The following STX10 variants were observed in gnomAD, a reference collection of about 807,000 sequenced individuals.
The protein encoded by STX10 is syntaxin-10.
In STX10, 35 loss-of-function variants were observed where a neutral mutation model predicts 34.1. That is an observed-to-expected ratio of 1.03 (90% CI 0.78 to 1.36). The LOEUF is 1.36. STX10 is among the 40% of genes most tolerant of loss of function. The pLI is 0.00. For synonymous variants in STX10, 155 were observed against 132.9 expected (o/e 1.17, Z -1.15); for missense variants, 361 against 335.5 (o/e 1.08, Z -0.59).
chr19:13,150,235 T>C lies in STX10; in HGVS notation c.-62A>G, dbSNP rs1600028184. 8 of 685,058 alleles carry C rather than the reference T, an allele frequency of 1.2e-5. No individual in the cohort carries two copies. In the East Asian group the frequency reaches 2.4e-4, roughly 20 times the overall value. 42.4% of individuals were successfully genotyped at this position (685,058 alleles called of 1,614,324 possible). On this transcript the variant is annotated 5_prime_UTR_variant, in exon 1 of 8. Transcript: ENST00000587230. This position sits in a 1 kb window ranked among gnomAD's most constrained non-coding sequence, Gnocchi z 4.0. ...GGCCTGGGTTCGCGGGCTGGTTCCC[T>C]CCCAACCGAGGAGAACGCGCCGCCA...
intron 5 of STX10, 48 bp from the exon 6 acceptor site, chr19:13,144,918 G>A: frequency 6.5e-7 from 1 of 1,537,040 alleles, no homozygotes; most frequent in Non-Finnish European, 8.8e-7. Flanking sequence ...ACCCCAGAAG[G>A]CCAGGCGCTA....
Position 13,144,408 on chromosome 19 carries a change from G to A in STX10, c.*2C>T. 1 of 1,608,232 alleles carries A rather than the reference G, an allele frequency of 6.2e-7. No individual in the cohort carries two copies. The highest frequency in any genetic ancestry group is 8.5e-7 in the Non-Finnish European group (1 of 1,178,048). ...GGACCAGCCTGCCAGGGAGGGCTGG[G>A]GTCAGAGAGAGAATAGTAAGATGAG... is the stretch of plus-strand genomic sequence containing the variant. On this transcript the variant is annotated 3_prime_UTR_variant, in exon 8 of 8. Coordinates refer to ENST00000587230, the MANE Select transcript of STX10 (RefSeq NM_003765.3).
At position 13,150,265 on chromosome 19, in the gene STX10, C is replaced by G. The variant is rs762280014; in HGVS notation, c.-92G>C. 16 of 664,590 alleles carry G rather than the reference C, an allele frequency of 2.4e-5. No individual in the cohort carries two copies. The highest frequency in any genetic ancestry group is 3.0e-4 in the Middle Eastern group (1 of 3,352). 41.2% of individuals were successfully genotyped at this position (664,590 alleles called of 1,614,324 possible). A position where few individuals can be genotyped will look rare whatever the true frequency, so the allele number is the denominator to read the frequency against. ...ACCGAGGAGAACGCGCCGCCACCCC[C>G]GCCCCCGTCACGCCACCATCGAGAG... On this transcript the variant is annotated 5_prime_UTR_variant, in exon 1 of 8. Transcript: ENST00000587230. This position sits in a 1 kb window ranked among gnomAD's most constrained non-coding sequence, Gnocchi z 4.0.
In STX10 at chr19:13,149,839, G is replaced by A. The variant is rs2020015010; in HGVS notation, c.94C>T (p.Leu32=). Residue 32 remains leucine (L), a synonymous_variant, in exon 2 of 8, where the codon CTG becomes TTG. Coordinates refer to ENST00000587230, the MANE Select transcript of STX10 (RefSeq NM_003765.3). ...CGTCCGACCGCCGCGCTTTCCTGCA[G>A]GAGCTCGCACCAGCGCTGGTACAGC... is the stretch of plus-strand genomic sequence containing the variant. ...RGLYQRWCEL[L]QESAAVGREE... 6.2e-7 allele frequency: 1 copy of A among 1,613,350 alleles called. No individual in the cohort carries two copies. Among genetic ancestry groups the A allele is most frequent in the Middle Eastern group, 1.7e-4 (1 of 6,058 alleles).
intron 4 of STX10, among the ~76,000 whole-genome samples, 192 bp downstream of exon 4, chr19:13,148,837 C>A (rs2019972772): frequency 6.6e-6 from 1 of 151,998 alleles, no homozygotes; most frequent in East Asian, 1.9e-4. Flanking sequence ...TAGAGAGGAA[C>A]CCACGGACAT....
Position 13,149,578 on chromosome 19 carries a change from T to C in STX10, c.221A>G (p.Asn74Ser), listed in dbSNP as rs1249172669. ...GGCTGGGAGCTTGAACTTGCCTGGGTTGGCTTCCACTATACGTGGGCTGAG... is the reference window on the plus strand; with the variant it reads ...GGCTGGGAGCTTGAACTTGCCTGGGCTGGCTTCCACTATACGTGGGCTGAG... Reference protein sequence around the residue: ...LEETIGIVEANPGKFKLPAGD... With the variant: ...LEETIGIVEASPGKFKLPAGD... Residue 74 changes from asparagine to serine, a missense_variant, in exon 3 of 8, where the codon AAC becomes AGC. Asn to Ser is a conservative substitution (Grantham distance 46). Coordinates refer to ENST00000587230, the MANE Select transcript of STX10 (RefSeq NM_003765.3). 1 of 1,614,090 alleles carries C rather than the reference T, an allele frequency of 6.2e-7. No individual in the cohort carries two copies. Among genetic ancestry groups the C allele is most frequent in the Non-Finnish European group, 8.5e-7 (1 of 1,180,000 alleles).
intron 4 of STX10, among the ~76,000 whole-genome samples, chr19:13,147,155 G>A (rs2019919001): frequency 6.6e-6 from 1 of 151,526 alleles, no homozygotes; most frequent in Non-Finnish European, 1.5e-5. Context: ...ATTAGGATAT[G>A]AGGGGGGAAA....
At chr19:13,149,180 GC>G in intron 3 of STX10, 89 bp from the exon 4 acceptor site, 1 of 1,183,692 alleles carries the variant, frequency 8.4e-7, no homozygotes, top group Non-Finnish European at 1.2e-6. Flanking sequence ...GAGAGACCAA[GC>G]CGGGTGGATC....
Position 13,145,277 on chromosome 19 carries a change from G to T in STX10, c.471+11C>A. Reference sequence around the variant, plus strand: ...CTCCCCTCCCAAGATCCACCCCGCTGGCCCCAAAACCTGCTGTGTGGCCTG... The same window carrying T: ...CTCCCCTCCCAAGATCCACCCCGCTTGCCCCAAAACCTGCTGTGTGGCCTG... On this transcript the variant is annotated intron_variant, in intron 5 of 7. Transcript: ENST00000587230. 1 of 1,608,294 alleles carries T rather than the reference G, an allele frequency of 6.2e-7. No individual in the cohort carries two copies.
chr19:13,148,256 C>T (rs1266645698), intron 4 of STX10, among the ~76,000 whole-genome samples: 2 of 152,096 alleles, frequency 1.3e-5, no homozygotes, highest in African/African-American at 4.8e-5. Context: ...GTAATTCCAG[C>T]ACTTTGGGAG....
At chr19:13,146,025 C>CAAAA (rs71168666) in intron 4 of STX10, among the ~76,000 whole-genome samples, 1 of 75,974 alleles carries the variant, frequency 1.3e-5, no homozygotes, top group Non-Finnish European at 2.6e-5. Flanking sequence ...GACCTTCTCT[C>CAAAA]AAAAAAAAAA....
intron 4 of STX10, among the ~76,000 whole-genome samples, chr19:13,148,710 T>A (rs922501359): frequency 3.3e-5 from 5 of 149,812 alleles, no homozygotes; most frequent in African/African-American, 4.9e-5. Context: ...AAGGCAGGCA[T>A]GCGTCCTGGA....
Position 13,150,130 on chromosome 19 carries a change from G to T in STX10, c.35+9C>A. The T allele has an allele frequency of 8.5e-7, 1 of 1,175,460 alleles. No homozygotes were observed. Among genetic ancestry groups the T allele is most frequent in the Non-Finnish European group, 1.3e-6 (1 of 793,858 alleles). The allele number at this position is 1,175,460 out of a possible 1,614,324, so 72.8% of individuals were successfully genotyped here. A position where few individuals can be genotyped will look rare whatever the true frequency, so the allele number is the denominator to read the frequency against. ...GCACCCTCCGCCCTCCCCCGTCGTTGTCACTCACCCTCGGACTACAAAAAA... is the reference window on the plus strand; with the variant it reads ...GCACCCTCCGCCCTCCCCCGTCGTTTTCACTCACCCTCGGACTACAAAAAA... On this transcript the variant is annotated intron_variant, in intron 1 of 7. Transcript: ENST00000587230. This position sits in a 1 kb window ranked among gnomAD's most constrained non-coding sequence, Gnocchi z 4.0.
At position 13,144,791 on chromosome 19, in the gene STX10, A is replaced by G. The variant is rs762636725; in HGVS notation, c.551T>C (p.Val184Ala). ...IQVLKHMSGRVGEELDEQGIM... is the reference protein window; with the variant it reads ...IQVLKHMSGRAGEELDEQGIM... Reference sequence around the variant, plus strand: ...GCCCTGCTCGTCCAGCTCTTCTCCAACGCGGCCGGACATGTGCTTCAGAAC... The same window carrying G: ...GCCCTGCTCGTCCAGCTCTTCTCCAGCGCGGCCGGACATGTGCTTCAGAAC... Residue 184 changes from valine to alanine, a missense_variant, in exon 6 of 8, where the codon GTT becomes GCT. Val to Ala is a moderately conservative substitution (Grantham distance 64). Transcript: ENST00000587230. The G allele has an allele frequency of 2.5e-6, 4 of 1,613,908 alleles. No individual in the cohort carries two copies. Among genetic ancestry groups the G allele is most frequent in the Non-Finnish European group, 3.4e-6 (4 of 1,179,984 alleles).
At position 13,149,504 on chromosome 19, in the gene STX10, C is replaced by T; in HGVS notation, c.295G>A (p.Val99Ile). ...CCTGCAGGACCTTTCCTGACCTGGA[C>T]TGCCTCTCGCATCCGCTCCACGAAC... is the stretch of plus-strand genomic sequence containing the variant. The part of the protein sequence containing the change: ...KVFVERMREA[V>I]QEMKDHMVSP... The change falls in exon 3 of 8, where the codon GTC becomes ATC. Residue 99 changes from valine (V) to isoleucine (I), a missense_variant. Physicochemically the swap from Val to Ile is conservative, Grantham distance 29. Transcript: ENST00000587230. 2 of 1,613,768 alleles carry T rather than the reference C, an allele frequency of 1.2e-6. No homozygotes were observed.
chr19:13,147,225 T>C (rs2145638008), intron 4 of STX10, among the ~76,000 whole-genome samples: 1 of 151,932 alleles, frequency 6.6e-6, no homozygotes, highest in African/African-American at 2.4e-5. Context: ...CATGCACAGA[T>C]GAAAAGGCGG....
chr19:13,147,356 C>G (rs1366098405), intron 4 of STX10, among the ~76,000 whole-genome samples: 1 of 151,476 alleles, frequency 6.6e-6, no homozygotes, highest in Non-Finnish European at 1.5e-5. Flanking sequence ...TCCCAGCTAC[C>G]CAGGAGGCTG....
rs1407655686 is a variant in STX10, at chr19:13,144,779, A to G, written c.563T>C (p.Leu188Pro). The G allele has an allele frequency of 6.2e-7, 1 of 1,613,928 alleles. No homozygotes were observed. The part of the protein sequence containing the change: ...KHMSGRVGEE[L>P]DEQGIMLDAF... The stretch of plus-strand genomic sequence containing the variant: ...CTGGCCTCACATGCCCTGCTCGTCC[A>G]GCTCTTCTCCAACGCGGCCGGACAT... The change falls in exon 6 of 8, where the codon CTG becomes CCG. Residue 188 changes from leucine to proline, a missense_variant. By Grantham distance (98) the Leu-to-Pro change is moderately conservative. Coordinates refer to ENST00000587230, the MANE Select transcript of STX10 (RefSeq NM_003765.3).
rs778593952 is a variant in STX10 at position 13,144,635 on chromosome 19, G to C, written c.615C>G (p.Thr205=). Residue 205 remains threonine (T), a synonymous_variant, in exon 7 of 8, where the codon ACC becomes ACG. Coordinates refer to ENST00000587230, the MANE Select transcript of STX10 (RefSeq NM_003765.3). ...TGAGGACCCCGTCCATGCGGGACTG[G>C]GTGTGGTCCATCTCTTGGGCGAAGG... ...LDAFAQEMDH[T]QSRMDGVLRK... The C allele has an allele frequency of 1.2e-6, 2 of 1,614,140 alleles. No individual in the cohort carries two copies. Among genetic ancestry groups the C allele is most frequent in the South Asian group, 1.1e-5 (1 of 91,082 alleles).
Sources: gnomAD v4.1 joint callset for allele counts (sites outside exome capture counted in the v4.1 genomes callset) on GRCh38, gnomAD v4.1.1 for gene constraint, Gnocchi (gnomAD v3.1) non-coding constraint, MANE v1.5 for transcripts, NCBI Gene and HGNC (gene_info 2026-07-23, HGNC 2026-07-21) for gene names.